The following EDAR variants were observed in gnomAD, a reference collection of about 807,000 sequenced individuals.
EDAR encodes tumor necrosis factor receptor superfamily member EDAR.
In EDAR, 38 loss-of-function variants were observed where a neutral mutation model predicts 51.3. The observed-to-expected ratio is 0.74, with a 90% confidence interval of 0.57 to 0.97. The LOEUF (loss-of-function observed/expected upper bound fraction) is 0.97, where lower values mean the gene tolerates loss of function less well. Ranked by LOEUF, EDAR falls within the 50% of genes least tolerant of loss-of-function variation. The probability of loss-of-function intolerance (pLI) is 0.00; values close to 1 mark genes in which losing one functional copy is unlikely to be tolerated. For missense variants in EDAR, 528 were observed against 595.0 expected (o/e 0.89, Z 1.17); for synonymous variants, 227 against 242.1 (o/e 0.94, Z 0.58).
chr2:108,917,153 A>G (rs260594), intron 5 of EDAR, among the ~76,000 whole-genome samples: 140,788 of 152,290 alleles, frequency 0.92, 65,131 homozygotes, highest in East Asian at 1. Context: ...AGGCGAGGGA[A>G]GGTGCTTGTG....
intron 1 of EDAR, among the ~76,000 whole-genome samples, chr2:108,978,917 C>T (rs539671773): frequency 3.7e-4 from 56 of 152,188 alleles, no homozygotes; most frequent in Non-Finnish European, 6.5e-4. Flanking sequence ...TAAACTCCAA[C>T]GAAGACCATT....
chr2:108,930,870 C>T, intron 2 of EDAR, 94 bp downstream of exon 2: 2 of 1,373,940 alleles, frequency 1.5e-6, no homozygotes, highest in Admixed American at 3.4e-5. Flanking sequence ...GGACTATGAT[C>T]AGCATTCCCA....
intron 1 of EDAR, among the ~76,000 whole-genome samples, chr2:108,956,008 A>G (rs1697918373): frequency 1.3e-5 from 2 of 152,186 alleles, no homozygotes; most frequent in South Asian, 4.1e-4. Context: ...CAGCCTGGGC[A>G]ACAGGGCAAG....
chr2:108,980,044 G>C (rs1698393920), intron 1 of EDAR, among the ~76,000 whole-genome samples: 1 of 123,528 alleles, frequency 8.1e-6, no homozygotes, highest in African/African-American at 3.1e-5. Context: ...AGTGACCATG[G>C]ACACACTCAC....
chr2:108,978,630 A>G (rs1435210371), intron 1 of EDAR, among the ~76,000 whole-genome samples: 1 of 152,316 alleles, frequency 6.6e-6, no homozygotes, highest in Middle Eastern at 3.4e-3. Flanking sequence ...AACTATTCAT[A>G]TTAAAATATT....
chr2:108,899,310 T>C (rs1696658365), intron 11 of EDAR, among the ~76,000 whole-genome samples: 2 of 152,238 alleles, frequency 1.3e-5, no homozygotes, highest in South Asian at 4.1e-4. Flanking sequence ...CAGAGTTGCA[T>C]ACCAGGTTGC....
chr2:108,965,253 G>A lies in EDAR; in HGVS notation c.-19+23707C>T, dbSNP rs181981772. ...AGCACTTTGGGAGGCCGAGGCAGGC[G>A]GATCATGAGGTCAGGAGATCGAGAC... On this transcript the variant is annotated intron_variant, in intron 1 of 11. Coordinates refer to ENST00000258443, the MANE Select transcript of EDAR (RefSeq NM_022336.4). Among the ~76,000 whole-genome samples the A allele has an allele frequency of 3.3e-3, 497 of 152,122 alleles. 3 individuals carry two copies. Among genetic ancestry groups the A allele is most frequent in the African/African-American group, 0.01 (429 of 41,528 alleles).
rs188531090 is a variant in EDAR, at chr2:108,980,787, G to A, written c.-19+8173C>T. Among the ~76,000 whole-genome samples the A allele has an allele frequency of 2.0e-5, 3 of 152,270 alleles. No individual in the cohort carries two copies. The East Asian group carries it at 5.8e-4, about 29-fold the overall frequency. The stretch of plus-strand genomic sequence containing the variant: ...AGCTTGAATCAGTGTGGCCAGAGTG[G>A]GGTCACGGTGTCACTGGTGGGGAGG... On this transcript the variant is annotated intron_variant, in intron 1 of 11. Coordinates refer to ENST00000258443, the MANE Select transcript of EDAR (RefSeq NM_022336.4).
At chr2:108,932,777 T>C (rs1432445049) in intron 1 of EDAR, among the ~76,000 whole-genome samples, 1 of 152,168 alleles carries the variant, frequency 6.6e-6, no homozygotes, top group Non-Finnish European at 1.5e-5. Context: ...TATGTGTTTT[T>C]AACACATAAA....
chr2:108,979,430 C>CTCTA (rs70956287), intron 1 of EDAR, among the ~76,000 whole-genome samples: 1 of 148,260 alleles, frequency 6.7e-6, no homozygotes, highest in Non-Finnish European at 1.5e-5. Context: ...CTGTCTCTCT[C>CTCTA]TCTCTTTCTC....
chr2:108,926,424 T>C (rs1386079802), intron 4 of EDAR, among the ~76,000 whole-genome samples: 1 of 152,192 alleles, frequency 6.6e-6, no homozygotes, highest in East Asian at 1.9e-4. Flanking sequence ...TAGGTGTACA[T>C]TTTCCCAGAG....
At chr2:108,900,679 A>G (rs900329177) in intron 11 of EDAR, among the ~76,000 whole-genome samples, 6 of 152,250 alleles carry the variant, frequency 3.9e-5, no homozygotes, top group African/African-American at 1.4e-4. Flanking sequence ...AACTCACTTC[A>G]ATATAATGAG....
intron 1 of EDAR, among the ~76,000 whole-genome samples, chr2:108,976,303 T>C (rs1349394886): frequency 4.6e-5 from 7 of 152,326 alleles, no homozygotes; most frequent in Non-Finnish European, 7.3e-5. Context: ...AGTTGTCAGA[T>C]GTTTTTCTCG....
intron 11 of EDAR, among the ~76,000 whole-genome samples, chr2:108,904,347 C>A (rs1696763221): frequency 6.6e-6 from 1 of 152,190 alleles, no homozygotes. Context: ...CTAGACCGTT[C>A]CCACACTGCT....
At position 108,912,677 on chromosome 2, in the gene EDAR, C is replaced by T. The variant is rs1553445945; in HGVS notation, c.529+1G>A. ...GATCGATACCTGAGCACCCTCCTCACCTTTGTGGGCGTGCTGGAAGGGAGA... is the reference window on the plus strand; with the variant it reads ...GATCGATACCTGAGCACCCTCCTCATCTTTGTGGGCGTGCTGGAAGGGAGA... On this transcript the variant is annotated splice_donor_variant, in intron 6 of 11. Coordinates refer to ENST00000258443, the MANE Select transcript of EDAR (RefSeq NM_022336.4). LOFTEE classifies it high-confidence loss of function. The T allele has an allele frequency of 1.9e-6, 3 of 1,587,944 alleles. No individual in the cohort carries two copies. Among genetic ancestry groups the T allele is most frequent in the African/African-American group, 1.3e-5 (1 of 74,478 alleles).
intron 6 of EDAR, among the ~76,000 whole-genome samples, chr2:108,911,519 A>C: frequency 6.6e-6 from 1 of 152,150 alleles, no homozygotes; most frequent in East Asian, 1.9e-4. Flanking sequence ...ACCTCATGCA[A>C]TTTCAACCTA....
At chr2:108,923,795 C>T (rs2105432618) in intron 4 of EDAR, among the ~76,000 whole-genome samples, 1 of 152,366 alleles carries the variant, frequency 6.6e-6, no homozygotes, top group South Asian at 2.1e-4. Flanking sequence ...CTGCTTAGCC[C>T]CCCAGGGGTC....
intron 5 of EDAR, among the ~76,000 whole-genome samples, chr2:108,915,438 T>C (rs1406010456): frequency 1.3e-5 from 2 of 152,214 alleles, no homozygotes; most frequent in Non-Finnish European, 2.9e-5. Context: ...GGCAGCTATG[T>C]CATAGGGTAT....
intron 11 of EDAR, among the ~76,000 whole-genome samples, chr2:108,905,904 C>A (rs891974015): frequency 1.4e-5 from 2 of 145,936 alleles, no homozygotes; most frequent in Non-Finnish European, 2.9e-5. Context: ...CGGGGATGCT[C>A]GAGGGCAGGG....
Sources: gnomAD v4.1 joint callset for allele counts (sites outside exome capture counted in the v4.1 genomes callset) on GRCh38, gnomAD v4.1.1 for gene constraint, MANE v1.5 for transcripts, NCBI Gene and HGNC (gene_info 2026-07-23, HGNC 2026-07-21) for gene names.